The following POLRMT variants were observed in gnomAD, a reference collection of about 807,000 sequenced individuals.
POLRMT encodes the protein DNA-directed RNA polymerase, mitochondrial.
In POLRMT, 114 loss-of-function variants were observed where a neutral mutation model predicts 132.2. That is an observed-to-expected ratio of 0.86 (90% CI 0.74 to 1.01). The LOEUF (loss-of-function observed/expected upper bound fraction) is 1.01, where lower values mean the gene tolerates loss of function less well. POLRMT is among the 50% of genes least tolerant of loss of function. The probability of loss-of-function intolerance (pLI) is 0.00; values close to 1 mark genes in which losing one functional copy is unlikely to be tolerated. For missense variants in POLRMT, 2,003 were observed against 1,729.1 expected (o/e 1.16, Z -2.81); for synonymous variants, 1,020 against 773.4 (o/e 1.32, Z -5.29).
intron 5 of POLRMT, among the ~76,000 whole-genome samples, chr19:624,172 G>T (rs1984848637): frequency 6.6e-6 from 1 of 152,192 alleles, no homozygotes; most frequent in African/African-American, 2.4e-5. Flanking sequence ...CCTCCCGGAG[G>T]CACCATGAGG....
rs751457414 is a variant in POLRMT at position 619,002 on chromosome 19, C to T, written c.3262G>A (p.Val1088Ile). 10 of 1,581,576 alleles carry T rather than the reference C, an allele frequency of 6.3e-6. No homozygotes were observed. The South Asian group carries it at 1.0e-4, about 16-fold the overall frequency. ...VIQPYRLDSK[V>I]KQIGGGIQSI... ...GGATGGGGTGGTACACTGACCTTGA[C>T]CTTGGAGTCCAGGCGATAGGGCTGG... Residue 1088 changes from valine (V) to isoleucine (I), a missense_variant, in exon 15 of 21, where the codon GTC becomes ATC. Coordinates refer to ENST00000588649, the MANE Select transcript of POLRMT (RefSeq NM_005035.4).
At chr19:619,817 G>A (rs55961774) in intron 12 of POLRMT, 52 bp from the exon 13 acceptor site, 5 of 1,550,180 alleles carry the variant, frequency 3.2e-6, no homozygotes, top group East Asian at 4.5e-5. Flanking sequence ...GCAGCCCAGG[G>A]GCCACCAAGC....
intron 3 of POLRMT, among the ~76,000 whole-genome samples, chr19:629,170 G>A (rs1259614130): frequency 4.6e-5 from 7 of 151,974 alleles, no homozygotes; most frequent in African/African-American, 1.5e-4. Flanking sequence ...ACAGCAGCCC[G>A]ACCTTCCACC....
At position 619,688 on chromosome 19, in the gene POLRMT, C is replaced by T. The variant is rs750055875; in HGVS notation, c.2964G>A (p.Lys988=). Residue 988 remains lysine (K), a synonymous_variant, in exon 13 of 21, where the codon AAG becomes AAA. Coordinates refer to ENST00000588649, the MANE Select transcript of POLRMT (RefSeq NM_005035.4). ...CCGTCATCACCGTCTGCTTCACCAC[C>T]TTGCGGGTGATGAAACCTTCCAGCA... ...AQVLEGFITR[K]VVKQTVMTVV... 3.7e-6 allele frequency: 6 copies of T among 1,609,396 alleles called. No individual in the cohort carries two copies. In the African/African-American group the frequency reaches 5.3e-5, roughly 14 times the overall value.
At chr19:617,534 G>GA in intron 19 of POLRMT, 36 bp downstream of exon 19, 1 of 1,609,134 alleles carries the variant, frequency 6.2e-7, no homozygotes, top group Non-Finnish European at 8.5e-7. Flanking sequence ...GGGGTGGGGG[G>GA]GGAATCCAGG....
At position 624,740 on chromosome 19, in the gene POLRMT, C is replaced by G; in HGVS notation, c.1119G>C (p.Leu373=). The change falls in exon 5 of 21, where the codon CTG becomes CTC. Residue 373 remains leucine, a synonymous_variant. Transcript: ENST00000588649. ...QLPPPVNTSK[L]LRDVYAKDGR... ...TCACCTTGGCATACACGTCCCTGAG[C>G]AGCTTGGAGGTGTTGACCGGGGGCG... is the stretch of plus-strand genomic sequence containing the variant. 1 of 1,613,706 alleles carries G rather than the reference C, an allele frequency of 6.2e-7. No homozygotes were observed.
chr19:617,277 G>A lies in POLRMT; in HGVS notation c.3690C>T (p.Ser1230=), dbSNP rs769033847. The change falls in exon 21 of 21, where the codon AGC becomes AGT. Residue 1230 remains serine, a synonymous_variant. Coordinates refer to ENST00000588649, the MANE Select transcript of POLRMT (RefSeq NM_005035.4). ...EQVKRSTYFF[S] is the part of the protein sequence containing the mutation. ...CACTGACAAGGCTCACGGGGTGTCA[G>A]CTGAAGAAGTAGGTGGAACGCTTCA... 1.2e-5 allele frequency: 20 copies of A among 1,612,806 alleles called. No individual in the cohort carries two copies. In the Admixed American group the frequency reaches 3.2e-4, roughly 26 times the overall value.
rs955750536 is a variant in POLRMT, at chr19:623,390, G to A, written c.1290+64C>T. On this transcript the variant is annotated intron_variant, in intron 6 of 20. Transcript: ENST00000588649. Reference sequence around the variant, plus strand: ...GACACGGGACCCCGGCTCAGCCCGTGCGGTGGACACGCGACCCCGGCTCAG... The same window carrying A: ...GACACGGGACCCCGGCTCAGCCCGTACGGTGGACACGCGACCCCGGCTCAG... 34 of 1,582,744 alleles carry A rather than the reference G, an allele frequency of 2.1e-5. No individual in the cohort carries two copies. The Admixed American group carries it at 5.1e-4, about 24-fold the overall frequency.
chr19:622,736 G>T lies in POLRMT; in HGVS notation c.1472C>A (p.Pro491His). 1 of 1,593,222 alleles carries T rather than the reference G, an allele frequency of 6.3e-7. No homozygotes were observed. Among genetic ancestry groups the T allele is most frequent in the Non-Finnish European group, 8.5e-7 (1 of 1,171,476 alleles). The change falls in exon 8 of 21, where the codon CCC becomes CAC. Residue 491 changes from proline to histidine, a missense_variant. Physicochemically the swap from Pro to His is moderately conservative, Grantham distance 77 (BLOSUM62 -2). Transcript: ENST00000588649. ...RMLLQVLQAL[P>H]AQGESFTTLA... ...GGTGGTGAAGGACTCACCTTGGGCG[G>T]GCAGCGCCTGCAGGACCTGCGGAAG...
chr19:621,430 G>T lies in POLRMT; in HGVS notation c.2268C>A (p.Ala756=). ...LPHSAAPARK[A]ELRRELAHCQ... ...AGTGCGCCAGCTCACGGCGCAGCTC[G>T]GCCTTGCGGGCGGGCGCGGCGCTGT... The change falls in exon 10 of 21, where the codon GCC becomes GCA. Residue 756 remains alanine, a synonymous_variant. Transcript: ENST00000588649. 1 of 1,465,714 alleles carries T rather than the reference G, an allele frequency of 6.8e-7. No homozygotes were observed. The highest frequency in any genetic ancestry group is 2.8e-5 in the East Asian group (1 of 35,638). 90.8% of individuals were successfully genotyped at this position (1,465,714 alleles called of 1,614,324 possible).
rs994898216 is a variant in POLRMT, at chr19:624,822, G to A, written c.1037C>T (p.Thr346Ile). The A allele has an allele frequency of 1.2e-6, 2 of 1,613,358 alleles. No homozygotes were observed. The highest frequency in any genetic ancestry group is 1.7e-6 in the Non-Finnish European group (2 of 1,180,024). The change falls in exon 5 of 21, where the codon ACT (threonine) becomes ATT (isoleucine). Residue 346 changes from threonine (T) to isoleucine (I), a missense_variant. By Grantham distance (89) the Thr-to-Ile change is moderately conservative (BLOSUM62 -1). Coordinates refer to ENST00000588649, the MANE Select transcript of POLRMT (RefSeq NM_005035.4). ...AVLLSEEDRA[T>I]VLKAVHKVKP... Reference sequence around the variant, plus strand: ...CACCTTGTGCACGGCCTTCAGAACAGTGGCCCGATCCTCCTCAGACAGCAG... The same window carrying A: ...CACCTTGTGCACGGCCTTCAGAACAATGGCCCGATCCTCCTCAGACAGCAG...
Position 622,768 on chromosome 19 carries a change from G to T in POLRMT, c.1456-16C>A. On this transcript the variant is annotated splice_polypyrimidine_tract_variant and intron_variant, in intron 7 of 20. Transcript: ENST00000588649. ...CCTGCAGGACCTGCGGAAGGCAGCC[G>T]TGAGTGCCTGCCCGCCCCGCCCGGG... 4 of 1,572,424 alleles carry T rather than the reference G, an allele frequency of 2.5e-6. No individual in the cohort carries two copies. Among genetic ancestry groups the T allele is most frequent in the East Asian group, 2.4e-5 (1 of 41,984 alleles).
chr19:620,335 G>T, intron 11 of POLRMT, 30 bp downstream of exon 11: 1 of 1,541,596 alleles, frequency 6.5e-7, no homozygotes, highest in South Asian at 1.2e-5. Flanking sequence ...CACACTGCAC[G>T]GCCTCGGGGG....
intron 3 of POLRMT, among the ~76,000 whole-genome samples, chr19:628,402 C>T (rs1482577188): frequency 2.6e-5 from 4 of 152,208 alleles, no homozygotes; most frequent in African/African-American, 9.7e-5. Context: ...CCAGGCAGCA[C>T]GCCGCCTCCA....
intron 9 of POLRMT, 59 bp from the exon 10 acceptor site, chr19:621,905 C>G (rs1984642431): frequency 1.3e-6 from 2 of 1,562,696 alleles, no homozygotes; most frequent in Non-Finnish European, 1.7e-6. Flanking sequence ...CTGTTCCCAC[C>G]CCTTAAACTT....
chr19:618,266 C>A (rs912086753), intron 17 of POLRMT: 8 of 567,364 alleles, frequency 1.4e-5, no homozygotes, highest in Non-Finnish European at 1.9e-5. Flanking sequence ...GGGGCAGCGC[C>A]CATGCTCGGC....
chr19:629,732 C>G lies in POLRMT; in HGVS notation c.630G>C (p.Pro210=), dbSNP rs570462452. ...GKLSLDVEQA[P]SGQHSQAQLS... is the part of the protein sequence containing the mutation. ...GCTGGGCCTGCGAGTGCTGCCCCGA[C>G]GGGGCCTGCTCCACATCGAGGCTCA... is the stretch of plus-strand genomic sequence containing the variant. Residue 210 remains proline (P), a synonymous_variant, in exon 3 of 21, where the codon CCG becomes CCC. Transcript: ENST00000588649. 3 of 1,584,070 alleles carry G rather than the reference C, an allele frequency of 1.9e-6. No homozygotes were observed. Among genetic ancestry groups the G allele is most frequent in the Admixed American group, 3.6e-5 (2 of 55,532 alleles).
chr19:631,049 C>A (rs919626433), intron 2 of POLRMT, among the ~76,000 whole-genome samples: 2 of 151,858 alleles, frequency 1.3e-5, no homozygotes, highest in Admixed American at 6.6e-5. Flanking sequence ...GTACCAGCTA[C>A]TTGGGAGGCT....
intron 5 of POLRMT, 85 bp downstream of exon 5, chr19:624,634 G>C (rs1984884912): frequency 7.0e-7 from 1 of 1,437,366 alleles, no homozygotes; most frequent in Admixed American, 2.1e-5. Flanking sequence ...GCACCGGGGA[G>C]GCCCATTGGT....
Sources: allele counts gnomAD v4.1 joint callset (sites outside exome capture counted in the v4.1 genomes callset), GRCh38; gene constraint gnomAD v4.1.1; transcripts MANE v1.5; gene names NCBI Gene and HGNC (gene_info 2026-07-23, HGNC 2026-07-21).